Variants in AGBL1 observed in about 807,000 individuals in gnomAD.
The protein encoded by AGBL1 is cytosolic carboxypeptidase 4.
Under a neutral mutation model 118.9 loss-of-function variants are expected in AGBL1, and 130 were observed. The observed-to-expected ratio is 1.09, with a 90% CI of 0.95 to 1.26. The LOEUF is 1.26. AGBL1 is among the 50% of genes most tolerant of loss of function. The pLI is 0.00. For missense variants in AGBL1, 1,584 were observed against 1,298.1 expected (o/e 1.22, Z -3.38); for synonymous variants, 555 against 478.9 (o/e 1.16, Z -2.08).
At chr15:86,536,032 A>G (rs1258973402) in intron 19 of AGBL1, among the ~76,000 whole-genome samples, 1 of 152,206 alleles carries the variant, frequency 6.6e-6, no homozygotes, top group Admixed American at 6.5e-5. Context: ...CAGAATACCC[A>G]TAAAGGTCCT....
chr15:86,211,913 T>C (rs1176827604), intron 5 of AGBL1, among the ~76,000 whole-genome samples: 2 of 152,186 alleles, frequency 1.3e-5, no homozygotes. Flanking sequence ...AATCACCGTC[T>C]TCTGTGTTGT....
intron 19 of AGBL1, among the ~76,000 whole-genome samples, chr15:86,539,903 A>G (rs1567047161): frequency 6.6e-6 from 1 of 152,190 alleles, no homozygotes. Context: ...TGGTAATACA[A>G]TGACCTCTTG....
chr15:86,452,311 C>T (rs2082203952), intron 18 of AGBL1, among the ~76,000 whole-genome samples: 1 of 152,158 alleles, frequency 6.6e-6, no homozygotes, highest in Admixed American at 6.5e-5. Flanking sequence ...AATCTCTTTC[C>T]AGTGCTGACC....
chr15:86,970,277 T>A (rs2081093713), intron 23 of AGBL1, among the ~76,000 whole-genome samples: 1 of 151,984 alleles, frequency 6.6e-6, no homozygotes, highest in African/African-American at 2.4e-5. Context: ...GGAATATTAA[T>A]AATAGTAGCA....
chr15:86,211,854 C>G (rs1216919465), intron 5 of AGBL1, among the ~76,000 whole-genome samples: 2 of 152,140 alleles, frequency 1.3e-5, no homozygotes, highest in Admixed American at 6.5e-5. Flanking sequence ...TACCCACTGT[C>G]CCACCAGTCC....
rs759625341 is a variant in AGBL1, at chr15:86,266,469, C to T, written c.1751+12C>T. 31 of 1,548,736 alleles carry T rather than the reference C, an allele frequency of 2.0e-5. No homozygotes were observed. The highest frequency in any genetic ancestry group is 1.7e-4 in the Middle Eastern group (1 of 5,966). ...TTAGATGAGCCTTGGTAGGTAGTCT[C>T]GTGCATCTGAGGAAGGTGGGGCATG... On this transcript the variant is annotated intron_variant, in intron 12 of 22. Transcript: ENST00000614907.
At chr15:86,776,085 A>G (rs1381040884) in intron 22 of AGBL1, among the ~76,000 whole-genome samples, 1 of 152,088 alleles carries the variant, frequency 6.6e-6, no homozygotes, top group Non-Finnish European at 1.5e-5. Context: ...GTCATCAATC[A>G]TTTTCCACCT....
At chr15:86,836,603 C>T (rs369111885) in intron 22 of AGBL1, among the ~76,000 whole-genome samples, 4 of 152,082 alleles carry the variant, frequency 2.6e-5, no homozygotes, top group African/African-American at 9.7e-5. Context: ...CCATACAATA[C>T]CTCCCCTTTG....
At chr15:86,201,828 G>A (rs1489720328) in intron 5 of AGBL1, among the ~76,000 whole-genome samples, 3 of 152,140 alleles carry the variant, frequency 2.0e-5, no homozygotes, top group Admixed American at 6.5e-5. Context: ...TCAGTAGGCC[G>A]CACGGATTTA....
chr15:86,585,593 T>G (rs2084234667), intron 21 of AGBL1, among the ~76,000 whole-genome samples: 1 of 152,170 alleles, frequency 6.6e-6, no homozygotes, highest in Admixed American at 6.6e-5. Flanking sequence ...CTTGAACTCC[T>G]GTTCTCAGGC....
intron 19 of AGBL1, among the ~76,000 whole-genome samples, chr15:86,530,629 T>C (rs2083336691): frequency 1.3e-5 from 2 of 151,248 alleles, no homozygotes; most frequent in Admixed American, 1.3e-4. Context: ...TCTACAGAAC[T>C]CTCCACCCCA....
At chr15:86,387,403 G>A (rs2081213329) in intron 17 of AGBL1, among the ~76,000 whole-genome samples, 1 of 152,176 alleles carries the variant, frequency 6.6e-6, no homozygotes, top group Non-Finnish European at 1.5e-5. Flanking sequence ...CTACTACAGT[G>A]TGTTACCTGG....
intron 24 of AGBL1, among the ~76,000 whole-genome samples, chr15:87,018,327 G>C (rs1019804371): frequency 1.3e-5 from 2 of 152,034 alleles, no homozygotes; most frequent in African/African-American, 4.8e-5. Context: ...GATTCTCTAA[G>C]GTCAAAATGA....
intron 22 of AGBL1, among the ~76,000 whole-genome samples, chr15:86,877,149 C>T (rs1299304021): frequency 6.6e-6 from 1 of 151,956 alleles, no homozygotes; most frequent in Middle Eastern, 3.2e-3. Context: ...GCATAAAAGC[C>T]CCATAACCAA....
intron 18 of AGBL1, among the ~76,000 whole-genome samples, chr15:86,410,387 G>A (rs1403645364): frequency 1.3e-5 from 2 of 152,068 alleles, no homozygotes; most frequent in African/African-American, 4.8e-5. Context: ...TGGTGGTGAT[G>A]TAGTATAAAA....
chr15:86,435,893 A>T (rs775509835), intron 18 of AGBL1, among the ~76,000 whole-genome samples: 7 of 152,338 alleles, frequency 4.6e-5, no homozygotes, highest in Admixed American at 6.5e-5. Flanking sequence ...GTTAATTACC[A>T]ATATATTACC....
At chr15:86,777,260 C>G (rs1042730893) in intron 22 of AGBL1, among the ~76,000 whole-genome samples, 8 of 151,902 alleles carry the variant, frequency 5.3e-5, no homozygotes, top group African/African-American at 1.7e-4. Flanking sequence ...CCTGTACCAT[C>G]CAGGTTAAAA....
chr15:86,127,774 G>T (rs2076766410), intron 1 of AGBL1, among the ~76,000 whole-genome samples: 1 of 152,130 alleles, frequency 6.6e-6, no homozygotes, highest in Non-Finnish European at 1.5e-5. Context: ...GCCACTTTCA[G>T]ACCTGTCACA....
chr15:86,547,802 T>C (rs996755791), intron 20 of AGBL1, among the ~76,000 whole-genome samples: 2 of 152,138 alleles, frequency 1.3e-5, no homozygotes, highest in Non-Finnish European at 2.9e-5. Context: ...GAAGTTAAAT[T>C]TTCTACATAG....
Sources: allele counts gnomAD v4.1 joint callset (sites outside exome capture counted in the v4.1 genomes callset), GRCh38; gene constraint gnomAD v4.1.1; transcripts MANE v1.5; gene names NCBI Gene and HGNC (gene_info 2026-07-23, HGNC 2026-07-21).